The following KARS1 variants were observed in gnomAD, a reference collection of about 807,000 sequenced individuals.
KARS1 encodes lysine--tRNA ligase.
In KARS1, 50 loss-of-function variants were observed where a neutral mutation model predicts 63.9. That is an observed-to-expected ratio of 0.78 (90% CI 0.62 to 0.99). The LOEUF is 0.99. Among genes scored for constraint, KARS1 ranks in the 50% least tolerant of loss-of-function variants. The pLI, the probability that KARS1 is intolerant of heterozygous loss-of-function variation, is 0.00. For missense variants in KARS1, 816 were observed against 754.5 expected (o/e 1.08, Z -0.95); for synonymous variants, 320 against 264.6 (o/e 1.21, Z -2.03).
At chr16:75,647,494 A>G in intron 1 of KARS1, 84 bp downstream of exon 1, 1 of 1,303,126 alleles carries the variant, frequency 7.7e-7, no homozygotes, top group Non-Finnish European at 1.1e-6. Flanking sequence ...GCCCCGGCAC[A>G]GCAGCCTTGG....
chr16:75,629,361 G>A, intron 12 of KARS1, 54 bp downstream of exon 12: 1 of 1,609,380 alleles, frequency 6.2e-7, no homozygotes, highest in African/African-American at 1.3e-5. Context: ...CAGGGTTAAG[G>A]CTGGTATTTC....
intron 13 of KARS1, among the ~76,000 whole-genome samples, chr16:75,628,226 C>T (rs761259904): frequency 2.4e-4 from 36 of 152,214 alleles, no homozygotes; most frequent in Non-Finnish European, 3.7e-4. Flanking sequence ...GATGAATAGA[C>T]GCATTTCTAT....
At chr16:75,640,098 G>C (rs2082206415) in intron 3 of KARS1, 86 bp downstream of exon 3, 4 of 1,172,862 alleles carry the variant, frequency 3.4e-6, no homozygotes, top group Admixed American at 1.7e-5. Context: ...TTGAGAACAA[G>C]ACCAACCCAG....
intron 12 of KARS1, 157 bp from the exon 13 acceptor site, chr16:75,628,869 A>G: frequency 6.4e-6 from 5 of 776,914 alleles, no homozygotes; most frequent in Non-Finnish European, 6.6e-6. Context: ...TAACTCCAAG[A>G]TGCAGCCGTT....
chr16:75,629,449 A>G lies in KARS1; in HGVS notation c.1517T>C (p.Met506Thr), dbSNP rs1043443121. 6 of 1,614,058 alleles carry G rather than the reference A, an allele frequency of 3.7e-6. No homozygotes were observed. The African/African-American group carries it at 4.0e-5, about 11-fold the overall frequency. The change falls in exon 12 of 14, where the codon ATG (methionine) becomes ACG (threonine). Residue 506 changes from methionine to threonine, a missense_variant. Transcript: ENST00000302445. ...TTCTTCAAAAAGCTGCCGCTGCCGCATGGGATCATTCAGCTCAGTATACGC... is the reference window on the plus strand; with the variant it reads ...TTCTTCAAAAAGCTGCCGCTGCCGCGTGGGATCATTCAGCTCAGTATACGC... Reference protein sequence around the residue: ...CNAYTELNDPMRQRQLFEEQA... With the variant: ...CNAYTELNDPTRQRQLFEEQA...
intron 1 of KARS1, chr16:75,644,210 C>T: frequency 7.1e-7 from 1 of 1,400,334 alleles, no homozygotes. Flanking sequence ...TAGCCAGAGG[C>T]TTAACGGAAA....
intron 1 of KARS1, 148 bp from the exon 2 acceptor site, chr16:75,641,871 C>G: frequency 1.3e-6 from 1 of 768,728 alleles, no homozygotes; most frequent in South Asian, 1.4e-5. Context: ...CACAGCTCAG[C>G]TCAAGTAGCT....
At chr16:75,633,197 T>C (rs1449680281) in intron 7 of KARS1, among the ~76,000 whole-genome samples, 2 of 152,224 alleles carry the variant, frequency 1.3e-5, no homozygotes, top group Non-Finnish European at 2.9e-5. Flanking sequence ...TGAGAGCTGC[T>C]CAGGGTCGGC....
intron 3 of KARS1, among the ~76,000 whole-genome samples, chr16:75,638,272 A>G (rs2082186216): frequency 1.3e-5 from 2 of 151,280 alleles, no homozygotes; most frequent in African/African-American, 4.9e-5. Context: ...GAACACGCAG[A>G]TTTGTCATAT....
rs765783180 is a variant in KARS1 at position 75,641,590 on chromosome 16, G to A, written c.196C>T (p.Pro66Ser). The A allele has an allele frequency of 3.7e-6, 6 of 1,613,806 alleles. No individual in the cohort carries two copies. In the Admixed American group the frequency reaches 6.7e-5, roughly 18 times the overall value. ...TNHTTDNGVG[P>S]EEESVDPNQY... ...TTTGGGTCCACGCTCTCTTCCTCAG[G>A]ACCCACACCATTATCAGTGGTGTGG... The change falls in exon 2 of 14, where the codon CCT (proline) becomes TCT (serine). Residue 66 changes from proline to serine, a missense_variant. By Grantham distance (74) the Pro-to-Ser change is moderately conservative (BLOSUM62 -1). Coordinates refer to ENST00000302445, the MANE Select transcript of KARS1 (RefSeq NM_005548.3).
rs766027288 is a variant in KARS1 at position 75,630,406 on chromosome 16, G to C, written c.1424+17C>G. On this transcript the variant is annotated intron_variant, in intron 11 of 13. Coordinates refer to ENST00000302445, the MANE Select transcript of KARS1 (RefSeq NM_005548.3). ...GTTTTGGGGCTGTTATGCAGCAATAGGTAACTGGAATCTTACCATTTAGCC... is the reference window on the plus strand; with the variant it reads ...GTTTTGGGGCTGTTATGCAGCAATACGTAACTGGAATCTTACCATTTAGCC... The C allele has an allele frequency of 6.7e-7, 1 of 1,490,500 alleles. No individual in the cohort carries two copies. Among genetic ancestry groups the C allele is most frequent in the South Asian group, 1.1e-5 (1 of 88,722 alleles). The allele number at this position is 1,490,500 out of a possible 1,614,324, so 92.3% of individuals were successfully genotyped here. A position where few individuals can be genotyped will look rare whatever the true frequency, so the allele number is the denominator to read the frequency against.
intron 10 of KARS1, among the ~76,000 whole-genome samples, chr16:75,630,887 G>A (rs1292114075): frequency 6.6e-6 from 1 of 151,920 alleles, no homozygotes; most frequent in Non-Finnish European, 1.5e-5. Flanking sequence ...CATCTGCCTC[G>A]GCCTCCTGAA....
intron 11 of KARS1, among the ~76,000 whole-genome samples, chr16:75,630,112 A>G (rs2082095306): frequency 6.6e-6 from 1 of 152,234 alleles, no homozygotes; most frequent in African/African-American, 2.4e-5. Flanking sequence ...ACGTGTTTGC[A>G]CAATGAGGTC....
At chr16:75,633,928 A>C (rs1363059716) in intron 7 of KARS1, 2 of 472,352 alleles carry the variant, frequency 4.2e-6, no homozygotes, top group Non-Finnish European at 7.8e-6. Flanking sequence ...AGGGGAACCA[A>C]AGTAGGTAAG....
rs937747086 is a variant in KARS1, at chr16:75,629,642, C to G, written c.1425-101G>C. 172 of 1,276,660 alleles carry G rather than the reference C, an allele frequency of 1.3e-4. 1 individual carries two copies. The highest frequency in any genetic ancestry group is 2.6e-4 in the Middle Eastern group (1 of 3,886). 79.1% of individuals were successfully genotyped at this position (1,276,660 alleles called of 1,614,324 possible). Reference sequence around the variant, plus strand: ...TGAGACGGAGTCTCGCTCTGTCACGCAGGCTGGAGTGCAGTGGTGTGATCT... The same window carrying G: ...TGAGACGGAGTCTCGCTCTGTCACGGAGGCTGGAGTGCAGTGGTGTGATCT... On this transcript the variant is annotated intron_variant, in intron 11 of 13. Coordinates refer to ENST00000302445, the MANE Select transcript of KARS1 (RefSeq NM_005548.3).
At chr16:75,639,429 G>A (rs557908927) in intron 3 of KARS1, among the ~76,000 whole-genome samples, 13 of 152,068 alleles carry the variant, frequency 8.5e-5, no homozygotes, top group Admixed American at 1.3e-4. Flanking sequence ...AAACTTAGCC[G>A]GGCGTGGTGG....
At chr16:75,638,017 C>T (rs765876045) in intron 3 of KARS1, among the ~76,000 whole-genome samples, 1 of 151,776 alleles carries the variant, frequency 6.6e-6, no homozygotes, top group Non-Finnish European at 1.5e-5. Context: ...AGGGAGCTCA[C>T]TGGAAAAACG....
At position 75,629,531 on chromosome 16, in the gene KARS1, T is replaced by TAG. The variant is rs771005768; in HGVS notation, c.1433_1434dup (p.Lys479LeufsTer5). 6.2e-7 allele frequency: 1 copy of TAG among 1,614,078 alleles called. No homozygotes were observed. ...TCAAAGCGCTCAGTCAGACCCTCTT[T>TAG]AGAGCGGTGCCTAGGGACAGGAGAC... On this transcript the variant is annotated frameshift_variant, in exon 12 of 14. Coordinates refer to ENST00000302445, the MANE Select transcript of KARS1 (RefSeq NM_005548.3). LOFTEE classifies it high-confidence loss of function.
At chr16:75,635,835 T>C (rs1210827462) in intron 5 of KARS1, 30 bp from the exon 6 acceptor site, 1 of 1,614,074 alleles carries the variant, frequency 6.2e-7, no homozygotes, top group Non-Finnish European at 8.5e-7. Context: ...TAGAAATCAC[T>C]GGTATGTCTG....
Sources: gnomAD v4.1 joint callset for allele counts (sites outside exome capture counted in the v4.1 genomes callset) on GRCh38, gnomAD v4.1.1 for gene constraint, MANE v1.5 for transcripts, NCBI Gene and HGNC (gene_info 2026-07-23, HGNC 2026-07-21) for gene names.